ROBO2: variants seen among roughly 807,000 people sequenced by gnomAD.
The protein encoded by ROBO2 is roundabout homolog 2.
In ROBO2, 53 loss-of-function variants were observed where a neutral mutation model predicts 160.8. The ratio of observed to expected loss-of-function variants is 0.33; its 90% CI spans 0.26 to 0.41. The LOEUF (loss-of-function observed/expected upper bound fraction) is 0.41. Ranked by LOEUF, ROBO2 falls within the 10% of genes least tolerant of loss-of-function variation. ROBO2 has a pLI of 1.00. For synonymous variants in ROBO2, 664 were observed against 611.7 expected (o/e 1.09, Z -1.26); for missense variants, 1,577 against 1,722.4 (o/e 0.92, Z 1.49).
At chr3:76,458,045 A>G (rs1391653608) in intron 2 of ROBO2, among the ~76,000 whole-genome samples, 4 of 151,950 alleles carry the variant, frequency 2.6e-5, no homozygotes, top group Non-Finnish European at 4.4e-5. Context: ...AGATATTTTC[A>G]CCATGGTCTT....
intron 2 of ROBO2, among the ~76,000 whole-genome samples, chr3:77,166,914 A>G (rs2079149916): frequency 6.6e-6 from 1 of 152,176 alleles, no homozygotes; most frequent in Non-Finnish European, 1.5e-5. Context: ...GATGCCTCAT[A>G]CATATTTATG....
chr3:76,394,673 G>T (rs1293561100), intron 2 of ROBO2, among the ~76,000 whole-genome samples: 1 of 152,066 alleles, frequency 6.6e-6, no homozygotes, highest in Non-Finnish European at 1.5e-5. Context: ...GGCAGGGGTT[G>T]CAATCCTAGT....
chr3:76,886,033 A>G (rs1014157443), intron 2 of ROBO2, among the ~76,000 whole-genome samples: 1 of 152,134 alleles, frequency 6.6e-6, no homozygotes, highest in Non-Finnish European at 1.5e-5. Context: ...CCCCCAAGGT[A>G]GACTGAGGTA....
chr3:76,705,041 C>G (rs566598262), intron 2 of ROBO2, among the ~76,000 whole-genome samples: 1 of 152,108 alleles, frequency 6.6e-6, no homozygotes, highest in Non-Finnish European at 1.5e-5. Context: ...TCTATGCCAA[C>G]TCTTCAACTC....
chr3:76,775,736 G>A (rs187066074), intron 2 of ROBO2, among the ~76,000 whole-genome samples: 12 of 104,462 alleles, frequency 1.1e-4, no homozygotes, highest in African/African-American at 4.1e-4. Flanking sequence ...GGAATACATC[G>A]ATGTTATTTA....
chr3:77,522,255 T>C (rs1340416578), intron 5 of ROBO2, among the ~76,000 whole-genome samples: 1 of 151,194 alleles, frequency 6.6e-6, no homozygotes, highest in East Asian at 1.9e-4. Flanking sequence ...GAGTTAATAT[T>C]CCTTATTTAA....
At chr3:76,511,930 A>G (rs2081112330) in intron 2 of ROBO2, among the ~76,000 whole-genome samples, 1 of 152,166 alleles carries the variant, frequency 6.6e-6, no homozygotes, top group East Asian at 1.9e-4. Context: ...AATAGCCAAA[A>G]TGGTTGTGAA....
chr3:77,205,650 T>C (rs1430241909), intron 2 of ROBO2, among the ~76,000 whole-genome samples: 3 of 152,054 alleles, frequency 2.0e-5, no homozygotes, highest in African/African-American at 7.2e-5. Flanking sequence ...TATTTCCCTG[T>C]CTCCTCTCCA....
At chr3:76,914,120 T>C (rs1181469593) in intron 2 of ROBO2, among the ~76,000 whole-genome samples, 2 of 152,160 alleles carry the variant, frequency 1.3e-5, no homozygotes, top group Non-Finnish European at 2.9e-5. Flanking sequence ...AAAGGAGAAT[T>C]TATACCAAAG....
intron 2 of ROBO2, among the ~76,000 whole-genome samples, chr3:76,537,369 A>T (rs950606147): frequency 2.0e-5 from 3 of 152,094 alleles, no homozygotes; most frequent in Non-Finnish European, 2.9e-5. Context: ...TCAAGTTTGT[A>T]TTGGGGCCGA....
At chr3:77,269,262 C>A (rs1443736444) in intron 2 of ROBO2, among the ~76,000 whole-genome samples, 2 of 152,126 alleles carry the variant, frequency 1.3e-5, no homozygotes, top group Non-Finnish European at 2.9e-5. Flanking sequence ...ACATGGATAA[C>A]TGATGTAGAA....
At chr3:76,124,575 T>C (rs1450730642) in intron 2 of ROBO2, among the ~76,000 whole-genome samples, 1 of 152,098 alleles carries the variant, frequency 6.6e-6, no homozygotes, top group East Asian at 1.9e-4. Context: ...CTCGACATCA[T>C]TTTCTTTTTT....
chr3:76,503,828 A>C (rs2107667568), intron 2 of ROBO2, among the ~76,000 whole-genome samples: 1 of 152,320 alleles, frequency 6.6e-6, no homozygotes, highest in East Asian at 1.9e-4. Flanking sequence ...TGGTTAAAGT[A>C]CGCAAAATTT....
intron 2 of ROBO2, among the ~76,000 whole-genome samples, chr3:76,966,958 CT>C (rs982705121): frequency 7.2e-5 from 11 of 152,196 alleles, no homozygotes; most frequent in African/African-American, 2.7e-4. Flanking sequence ...AGCCAACATT[CT>C]TTAATATGGC....
chr3:76,468,714 T>G (rs965117201), intron 2 of ROBO2, among the ~76,000 whole-genome samples: 1 of 152,078 alleles, frequency 6.6e-6, no homozygotes, highest in Non-Finnish European at 1.5e-5. Context: ...TGATAGCCCA[T>G]GTACCTAGTT....
At chr3:77,313,654 G>A (rs181911970) in intron 2 of ROBO2, among the ~76,000 whole-genome samples, 1 of 152,008 alleles carries the variant, frequency 6.6e-6, no homozygotes, top group Admixed American at 6.6e-5. Context: ...GCGTGATCTC[G>A]GCTCACTGCA....
chr3:77,410,525 C>CTCTTCCTCCTCCTCT (rs2076627528), intron 2 of ROBO2, among the ~76,000 whole-genome samples: 1 of 111,284 alleles, frequency 9.0e-6, no homozygotes, highest in African/African-American at 2.9e-5. Context: ...CCTCCTCCTC[C>CTCTTCCTCCTCCTCT]TCTTCCTCCT....
At chr3:76,557,857 G>T in intron 2 of ROBO2, among the ~76,000 whole-genome samples, 1 of 147,558 alleles carries the variant, frequency 6.8e-6, no homozygotes, top group African/African-American at 2.5e-5. Flanking sequence ...CCTCATTCTT[G>T]CTTTTCAGCT....
chr3:77,484,508 A>AACACACACACACACACAC (rs60959193), intron 4 of ROBO2, among the ~76,000 whole-genome samples: 19 of 146,720 alleles, frequency 1.3e-4, no homozygotes, highest in African/African-American at 4.5e-4. Flanking sequence ...CCCCAACACA[A>AACACACACACACACACAC]ACACACACAC....
Sources: gnomAD v4.1 joint callset for allele counts (sites outside exome capture counted in the v4.1 genomes callset) on GRCh38, gnomAD v4.1.1 for gene constraint, MANE v1.5 for transcripts, NCBI Gene and HGNC (gene_info 2026-07-23, HGNC 2026-07-21) for gene names.